TPD52L1: variants seen among roughly 807,000 people sequenced by gnomAD.
The protein encoded by TPD52L1 is tumor protein D53.
Under a neutral mutation model 28.7 loss-of-function variants are expected in TPD52L1, and 18 were observed. The ratio of observed to expected loss-of-function variants is 0.63; its 90% CI spans 0.43 to 0.93. The LOEUF is 0.93. Ranked by LOEUF, TPD52L1 falls within the 40% of genes least tolerant of loss-of-function variation. The probability of loss-of-function intolerance (pLI) is 0.00; values close to 1 mark genes in which losing one functional copy is unlikely to be tolerated. For missense variants in TPD52L1, 203 were observed against 254.8 expected (o/e 0.80, Z 1.39); for synonymous variants, 75 against 88.8 (o/e 0.84, Z 0.88).
At chr6:125,196,240 A>G (rs1793434052) in intron 1 of TPD52L1, among the ~76,000 whole-genome samples, 1 of 152,222 alleles carries the variant, frequency 6.6e-6, no homozygotes, top group African/African-American at 2.4e-5. Context: ...GCTGTTTTTA[A>G]AATTGTTTAT....
intron 1 of TPD52L1, among the ~76,000 whole-genome samples, chr6:125,199,977 C>G (rs1425538339): frequency 6.6e-6 from 1 of 152,188 alleles, no homozygotes; most frequent in African/African-American, 2.4e-5. Context: ...AGCAGGGACA[C>G]AGGGTCATTG....
chr6:125,210,442 T>C (rs1420106334), intron 1 of TPD52L1, among the ~76,000 whole-genome samples: 1 of 152,124 alleles, frequency 6.6e-6, no homozygotes, highest in Non-Finnish European at 1.5e-5. Flanking sequence ...CCAGAGAAGG[T>C]AATGCCAAAT....
intron 3 of TPD52L1, among the ~76,000 whole-genome samples, chr6:125,229,510 A>G (rs1281662724): frequency 6.6e-6 from 1 of 152,206 alleles, no homozygotes; most frequent in Non-Finnish European, 1.5e-5. Flanking sequence ...CACTCAGACT[A>G]CTTTCATTAG....
rs570439429 is a variant in TPD52L1 at position 125,207,543 on chromosome 6, A to G, written c.20-12535A>G. 8.4e-4 allele frequency among the ~76,000 whole-genome samples: 128 copies of G among 152,364 alleles called. 1 individual carries two copies. The highest frequency in any genetic ancestry group is 3.0e-3 in the African/African-American group (126 of 41,600). The stretch of plus-strand genomic sequence containing the variant: ...TTAATAGTGAAAAACGTTGGAAGAC[A>G]GAGACAGTGTCTCTTTCTAGAGCAG... On this transcript the variant is annotated intron_variant, in intron 1 of 6. Transcript: ENST00000534000.
intron 1 of TPD52L1, among the ~76,000 whole-genome samples, chr6:125,172,523 TATATATA>T (rs1791493980): frequency 1.4e-5 from 1 of 72,020 alleles, no homozygotes; most frequent in African/African-American, 7.7e-5. Context: ...TATATATATA[TATATATA>T]TATATATATA....
chr6:125,240,638 G>A (rs1289882148), intron 3 of TPD52L1, among the ~76,000 whole-genome samples: 1 of 151,906 alleles, frequency 6.6e-6, no homozygotes, highest in Admixed American at 6.6e-5. Flanking sequence ...GTCACTGTTG[G>A]TGTACAGCAG....
At chr6:125,154,458 C>T (rs1345890892) in intron 1 of TPD52L1, 2 of 986,354 alleles carry the variant, frequency 2.0e-6, no homozygotes, top group Non-Finnish European at 2.4e-6. Flanking sequence ...CTGCGCGAGA[C>T]GCTTCCCGCT....
intron 1 of TPD52L1, among the ~76,000 whole-genome samples, chr6:125,194,874 C>A (rs1484445052): frequency 6.6e-6 from 1 of 152,134 alleles, no homozygotes; most frequent in African/African-American, 2.4e-5. Flanking sequence ...TCAAAAGGGT[C>A]AGAATCTGAC....
intron 3 of TPD52L1, among the ~76,000 whole-genome samples, chr6:125,231,776 T>C (rs1032934347): frequency 6.6e-5 from 10 of 152,062 alleles, no homozygotes; most frequent in Non-Finnish European, 1.3e-4. Flanking sequence ...GGCTACTGAG[T>C]GAGTGTTGGA....
chr6:125,235,751 T>C (rs191501833), intron 3 of TPD52L1, among the ~76,000 whole-genome samples: 32 of 152,352 alleles, frequency 2.1e-4, no homozygotes, highest in African/African-American at 7.7e-4. Flanking sequence ...TCAAGAAATA[T>C]GATGGTTAGC....
intron 1 of TPD52L1, among the ~76,000 whole-genome samples, chr6:125,172,913 A>G (rs1791590756): frequency 6.6e-6 from 1 of 152,022 alleles, no homozygotes; most frequent in South Asian, 2.1e-4. Flanking sequence ...CCTTATTATT[A>G]GGTAATTGCA....
intron 5 of TPD52L1, among the ~76,000 whole-genome samples, chr6:125,256,067 G>A (rs1437850966): frequency 1.3e-5 from 2 of 152,062 alleles, no homozygotes; most frequent in South Asian, 2.1e-4. Flanking sequence ...TGCCATTAGG[G>A]GCCAGGCACG....
intron 2 of TPD52L1, among the ~76,000 whole-genome samples, chr6:125,220,576 A>T (rs1557053): frequency 0.25 from 37,725 of 152,152 alleles, 5,142 homozygotes; most frequent in Admixed American, 0.38. Context: ...GTTTTAGGTC[A>T]GCAACTTAGC....
At chr6:125,178,631 A>C (rs549736276) in intron 1 of TPD52L1, among the ~76,000 whole-genome samples, 3 of 142,678 alleles carry the variant, frequency 2.1e-5, no homozygotes, top group Non-Finnish European at 4.6e-5. Context: ...AAAACAAAAC[A>C]AAACAAAACA....
chr6:125,246,319 G>A (rs920427185), intron 3 of TPD52L1, among the ~76,000 whole-genome samples: 4 of 152,190 alleles, frequency 2.6e-5, no homozygotes, highest in South Asian at 2.1e-4. Flanking sequence ...TTTTTCACCC[G>A]TCTCTCAGAA....
At chr6:125,155,287 T>C (rs1197870232) in intron 1 of TPD52L1, among the ~76,000 whole-genome samples, 1 of 152,236 alleles carries the variant, frequency 6.6e-6, no homozygotes, top group African/African-American at 2.4e-5. Flanking sequence ...GACTTGCATA[T>C]TAGAATTATT....
intron 5 of TPD52L1, among the ~76,000 whole-genome samples, chr6:125,256,115 G>A (rs746680653): frequency 1.3e-5 from 2 of 152,094 alleles, no homozygotes; most frequent in African/African-American, 2.4e-5. Flanking sequence ...TTTGGAGGCC[G>A]AGGCAGGTGG....
chr6:125,239,411 C>T (rs1357413414), intron 3 of TPD52L1, among the ~76,000 whole-genome samples: 6 of 152,122 alleles, frequency 3.9e-5, no homozygotes, highest in Non-Finnish European at 8.8e-5. Context: ...ACAATTATGG[C>T]AGAAGGTGGA....
At chr6:125,230,041 G>A (rs1795849802) in intron 3 of TPD52L1, among the ~76,000 whole-genome samples, 1 of 151,980 alleles carries the variant, frequency 6.6e-6, no homozygotes, top group African/African-American at 2.4e-5. Context: ...GAGTCGAGAT[G>A]GCGCCACTCC....
Sources: allele counts gnomAD v4.1 joint callset (sites outside exome capture counted in the v4.1 genomes callset), GRCh38; gene constraint gnomAD v4.1.1; transcripts MANE v1.5; gene names NCBI Gene and HGNC (gene_info 2026-07-23, HGNC 2026-07-21).